Variants in FAM149A observed in about 807,000 individuals in gnomAD.
The protein encoded by FAM149A is protein FAM149A.
Under a neutral mutation model 78.2 loss-of-function variants are expected in FAM149A, and 71 were observed. That is an observed-to-expected ratio of 0.91 (90% CI 0.75 to 1.11). The LOEUF is 1.11. Ranked by LOEUF, FAM149A falls within the 50% of genes least tolerant of loss-of-function variation. FAM149A has a pLI of 0.00. For missense variants in FAM149A, 1,036 were observed against 971.0 expected (o/e 1.07, Z -0.89); for synonymous variants, 446 against 410.5 (o/e 1.09, Z -1.04).
At position 186,156,029 on chromosome 4, in the gene FAM149A, C is replaced by T. The variant is rs758748075; in HGVS notation, c.1259C>T (p.Ala420Val). 6.8e-6 allele frequency: 11 copies of T among 1,613,516 alleles called. No homozygotes were observed. Among genetic ancestry groups the T allele is most frequent in the Non-Finnish European group, 5.9e-6 (7 of 1,179,790 alleles). ...GATGAATGTCTTGAACAAAAACCAGCTCAGCCCGGTAGGAAATGGCGCAAA... is the reference window on the plus strand; with the variant it reads ...GATGAATGTCTTGAACAAAAACCAGTTCAGCCCGGTAGGAAATGGCGCAAA... Residue 420 changes from alanine to valine, a missense_variant, in exon 7 of 14, where the codon GCT (alanine) becomes GTT (valine). Coordinates refer to ENST00000389354, the MANE Select transcript of FAM149A (RefSeq NM_001367768.3).
At chr4:186,127,601 G>A (rs978685233) in intron 1 of FAM149A, 12 of 985,330 alleles carry the variant, frequency 1.2e-5, no homozygotes, top group Non-Finnish European at 1.4e-5. Context: ...TTGTTAATGT[G>A]ATCACTGCAG....
chr4:186,136,976 T>TCTCTCTCTCTTTCTCTCTCTCTCTC (rs2099323291), intron 1 of FAM149A, among the ~76,000 whole-genome samples: 1 of 72,094 alleles, frequency 1.4e-5, no homozygotes, highest in African/African-American at 6.2e-5. Context: ...CTCTCTCTCT[T>TCTCTCTCTCTTTCTCTCTCTCTCTC]TCTCTCTCTC....
chr4:186,169,933 A>G, intron 13 of FAM149A: 1 of 985,390 alleles, frequency 1.0e-6, no homozygotes, highest in Non-Finnish European at 1.2e-6. Context: ...TTGCATCTGT[A>G]ACAACAAGCT....
In FAM149A at chr4:186,149,592, G is replaced by C. The variant is rs1390293548; in HGVS notation, c.678-1G>C. ...AAATCCTTGTCATCCTTTTCCTCCA[G>C]CGGAAGCCATACACCCACGGGAGCC... On this transcript the variant is annotated splice_acceptor_variant, in intron 2 of 13. Coordinates refer to ENST00000389354, the MANE Select transcript of FAM149A (RefSeq NM_001367768.3). LOFTEE classifies it high-confidence loss of function. 7.8e-7 allele frequency: 1 copy of C among 1,289,848 alleles called. No homozygotes were observed. The highest frequency in any genetic ancestry group is 1.5e-5 in the African/African-American group (1 of 65,964). The allele number at this position is 1,289,848 out of a possible 1,614,324, so 79.9% of individuals were successfully genotyped here. A position where few individuals can be genotyped will look rare whatever the true frequency, so the allele number is the denominator to read the frequency against.
At chr4:186,150,575 A>G (rs76441734) in intron 3 of FAM149A, among the ~76,000 whole-genome samples, 85 of 102,094 alleles carry the variant, frequency 8.3e-4, no homozygotes, top group Admixed American at 1.1e-3. Context: ...GCCCACCACC[A>G]CGCCCGGCTA....
At chr4:186,110,102 G>C (rs2099310583) in intron 1 of FAM149A, 1 of 985,186 alleles carries the variant, frequency 1.0e-6, no homozygotes, top group Non-Finnish European at 1.2e-6. Flanking sequence ...TAAACTCTTT[G>C]TCCTGTGACA....
chr4:186,105,014 G>C lies in FAM149A; in HGVS notation c.-63G>C, dbSNP rs1344102273. The C allele has an allele frequency of 6.4e-6, 8 of 1,246,596 alleles. No homozygotes were observed. In the African/African-American group the frequency reaches 1.3e-4, roughly 20 times the overall value. 77.2% of individuals were successfully genotyped at this position (1,246,596 alleles called of 1,614,324 possible). ...TCCTCGCCCCGGCCCGGGCCGCCTCGGCCGGATCTCCGCGGTCTGAACTCT... is the reference window on the plus strand; with the variant it reads ...TCCTCGCCCCGGCCCGGGCCGCCTCCGCCGGATCTCCGCGGTCTGAACTCT... On this transcript the variant is annotated 5_prime_UTR_variant, in exon 1 of 14. Coordinates refer to ENST00000389354, the MANE Select transcript of FAM149A (RefSeq NM_001367768.3).
At chr4:186,124,535 C>T (rs7439834) in intron 1 of FAM149A, among the ~76,000 whole-genome samples, 150,485 of 151,626 alleles carry the variant, frequency 0.99, 74,687 homozygotes, top group East Asian at 1. Context: ...GTCCTTGTGA[C>T]AGTTTGCTCA....
At chr4:186,124,385 T>C (rs749520243) in intron 1 of FAM149A, 5 of 290,732 alleles carry the variant, frequency 1.7e-5, no homozygotes, top group Non-Finnish European at 2.6e-5. Flanking sequence ...TTACATTAGG[T>C]ATATCTCCTA....
intron 8 of FAM149A, chr4:186,160,871 G>A: frequency 1.0e-6 from 1 of 985,258 alleles, no homozygotes; most frequent in East Asian, 1.1e-4. Context: ...ACTAGTTCTG[G>A]GCTTGATGTC....
intron 1 of FAM149A, among the ~76,000 whole-genome samples, chr4:186,119,000 TGA>T (rs1194010255): frequency 1.3e-5 from 2 of 152,206 alleles, no homozygotes; most frequent in Non-Finnish European, 2.9e-5. Context: ...CAAAGGTAAG[TGA>T]AAATGCTAGG....
intron 1 of FAM149A, among the ~76,000 whole-genome samples, chr4:186,142,614 G>T (rs900380263): frequency 1.3e-5 from 2 of 152,166 alleles, no homozygotes; most frequent in Admixed American, 6.5e-5. Flanking sequence ...CTTTCTTGGA[G>T]CCCTAAGCTG....
chr4:186,168,717 A>T (rs923855229), intron 13 of FAM149A, among the ~76,000 whole-genome samples: 2 of 152,212 alleles, frequency 1.3e-5, no homozygotes, highest in African/African-American at 2.4e-5. Context: ...AAGTTAGCTT[A>T]TCAATCATGG....
At position 186,124,123 on chromosome 4, in the gene FAM149A, T is replaced by TA. The variant is rs150184201; in HGVS notation, c.566+18482dup. The TA allele has an allele frequency of 3.6e-3, 3,521 of 985,256 alleles. 89 individuals are homozygous for TA. The African/African-American group carries it at 0.055, about 15-fold the overall frequency. The allele number at this position is 985,256 out of a possible 1,614,324, so 61.0% of individuals were successfully genotyped here. ...ATCCTTGGTCAGAAAAGGATGGACT[T>TA]ACGATAAGATACCAAGATACATCTA... On this transcript the variant is annotated intron_variant, in intron 1 of 13. Coordinates refer to ENST00000389354, the MANE Select transcript of FAM149A (RefSeq NM_001367768.3).
At chr4:186,158,729 G>T in intron 8 of FAM149A, 3 of 1,034,706 alleles carry the variant, frequency 2.9e-6, no homozygotes, top group Non-Finnish European at 2.3e-6. Flanking sequence ...GGTACCCCCT[G>T]TGCCTATTCA....
chr4:186,150,348 ATGC>A (rs1236409344), intron 3 of FAM149A, among the ~76,000 whole-genome samples: 5 of 119,434 alleles, frequency 4.2e-5, no homozygotes, highest in Admixed American at 8.4e-5. Flanking sequence ...TACCTCGTTT[ATGC>A]TGGGTGTTTT....
rs547343029 is a variant in FAM149A, at chr4:186,120,575, C to T, written c.566+14933C>T. Among the ~76,000 whole-genome samples, 20 of 151,828 alleles carry T rather than the reference C, an allele frequency of 1.3e-4. 1 individual carries two copies. Among genetic ancestry groups the T allele is most frequent in the Admixed American group, 7.2e-4 (11 of 15,246 alleles). ...TTGGGAGGCCGAGGCAGGTGGATCA[C>T]GAGATTAGGAGTTTGAGACCAGCCT... is the stretch of plus-strand genomic sequence containing the variant. On this transcript the variant is annotated intron_variant, in intron 1 of 13. Coordinates refer to ENST00000389354, the MANE Select transcript of FAM149A (RefSeq NM_001367768.3).
chr4:186,153,240 A>G (rs573516797), intron 4 of FAM149A: 1 of 978,148 alleles, frequency 1.0e-6, no homozygotes, highest in East Asian at 1.1e-4. Flanking sequence ...AAGTGTGCAT[A>G]TTTATATATT....
At position 186,149,441 on chromosome 4, in the gene FAM149A, A is replaced by G. The variant is rs544451281; in HGVS notation, c.678-152A>G. ...ACTGTAAAAATATTTCAAAATTAGT[A>G]TACTGTGAAATTAATAAATATATTT... On this transcript the variant is annotated intron_variant, in intron 2 of 13. Coordinates refer to ENST00000389354, the MANE Select transcript of FAM149A (RefSeq NM_001367768.3). The G allele has an allele frequency of 6.5e-4, 717 of 1,107,286 alleles. 6 individuals carry two copies. In the South Asian group the frequency reaches 0.01, roughly 16 times the overall value. 68.6% of individuals were successfully genotyped at this position (1,107,286 alleles called of 1,614,324 possible). A position where few individuals can be genotyped will look rare whatever the true frequency, so the allele number is the denominator to read the frequency against.
Sources: allele counts gnomAD v4.1 joint callset (sites outside exome capture counted in the v4.1 genomes callset), GRCh38; gene constraint gnomAD v4.1.1; transcripts MANE v1.5; gene names NCBI Gene and HGNC (gene_info 2026-07-23, HGNC 2026-07-21).